Variants in LRP1B observed in about 807,000 individuals in gnomAD.
LRP1B encodes the protein LDL receptor related protein 1B.
A neutral mutation model predicts 556.6 loss-of-function variants in LRP1B; 217 were observed. The observed-to-expected ratio is 0.39, with a 90% confidence interval of 0.35 to 0.44. LRP1B has a LOEUF of 0.44. LRP1B is among the 20% of genes least tolerant of loss of function. The pLI is 1.00. For missense variants in LRP1B, 5,053 were observed against 5,620.8 expected (o/e 0.90, Z 3.23); for synonymous variants, 2,047 against 1,865.8 (o/e 1.10, Z -2.50).
chr2:140,256,204 C>T (rs1019152884), intron 86 of LRP1B, among the ~76,000 whole-genome samples: 2 of 151,828 alleles, frequency 1.3e-5, no homozygotes, highest in Non-Finnish European at 2.9e-5. Flanking sequence ...TTGGAATTAG[C>T]CAGGCCTGGG....
chr2:141,486,244 T>C (rs961341383), intron 2 of LRP1B, among the ~76,000 whole-genome samples: 2 of 152,198 alleles, frequency 1.3e-5, no homozygotes, highest in African/African-American at 4.8e-5. Flanking sequence ...ACTTTTAAAT[T>C]ATGTATAAGT....
chr2:141,888,372 G>T lies in LRP1B; in HGVS notation c.83-77971C>A, dbSNP rs550226090. Among the ~76,000 whole-genome samples, 3 of 152,238 alleles carry T rather than the reference G, an allele frequency of 2.0e-5. No homozygotes were observed. In the South Asian group the frequency reaches 6.2e-4, roughly 32 times the overall value. ...GGTAAAAGTTGATAGAAAATATTGA[G>T]GTTCTTCAGTCCGGAAAAAGCCTTA... is the stretch of plus-strand genomic sequence containing the variant. On this transcript the variant is annotated intron_variant, in intron 1 of 90. Coordinates refer to ENST00000389484, the MANE Select transcript of LRP1B (RefSeq NM_018557.3).
chr2:141,686,246 A>C (rs943895536), intron 2 of LRP1B, among the ~76,000 whole-genome samples: 8 of 152,132 alleles, frequency 5.3e-5, no homozygotes, highest in African/African-American at 1.9e-4. Flanking sequence ...ACTCATTATA[A>C]CTTACTTTCA....
chr2:140,692,857 T>TCTTAC (rs72245703), intron 41 of LRP1B, among the ~76,000 whole-genome samples: 24,777 of 151,986 alleles, frequency 0.16, 2,057 homozygotes, highest in South Asian at 0.19. Context: ...TGAAATCTGT[T>TCTTAC]CTTACCCTGA....
chr2:141,687,621 G>A (rs1188461363), intron 2 of LRP1B, among the ~76,000 whole-genome samples: 1 of 151,774 alleles, frequency 6.6e-6, no homozygotes, highest in African/African-American at 2.4e-5. Context: ...AGCATTAATG[G>A]GTTAATAGAA....
At chr2:140,889,480 G>GAGAC (rs1485009574) in intron 23 of LRP1B, among the ~76,000 whole-genome samples, 1 of 152,122 alleles carries the variant, frequency 6.6e-6, no homozygotes, top group East Asian at 1.9e-4. Flanking sequence ...ATTTTTAGTA[G>GAGAC]AGACAGGGTT....
At chr2:140,516,319 T>C (rs1689895261) in intron 50 of LRP1B, among the ~76,000 whole-genome samples, 1 of 151,996 alleles carries the variant, frequency 6.6e-6, no homozygotes, top group African/African-American at 2.4e-5. Context: ...AACAATACAA[T>C]AAAACAATAA....
rs553269726 is a variant in LRP1B at position 140,877,826 on chromosome 2, C to T, written c.4169+5991G>A. ...AAATGTACAAAATCAAACTGTCCTC[C>T]GACCACCTTTGGCACATGTCATCAG... On this transcript the variant is annotated intron_variant, in intron 25 of 90. Coordinates refer to ENST00000389484, the MANE Select transcript of LRP1B (RefSeq NM_018557.3). Among the ~76,000 whole-genome samples the T allele has an allele frequency of 6.6e-5, 10 of 152,244 alleles. No homozygotes were observed. In the South Asian group the frequency reaches 8.3e-4, roughly 13 times the overall value.
intron 1 of LRP1B, among the ~76,000 whole-genome samples, chr2:141,988,961 A>G (rs1458942458): frequency 1.3e-5 from 2 of 152,058 alleles, no homozygotes; most frequent in Non-Finnish European, 2.9e-5. Flanking sequence ...AGAGATGTGT[A>G]TAAAATAGAT....
rs371660931 is a variant in LRP1B, at chr2:141,256,237, A to T, written c.344-1596T>A. 3.3e-4 allele frequency among the ~76,000 whole-genome samples: 50 copies of T among 152,144 alleles called. 1 individual carries two copies. The East Asian group carries it at 9.5e-3, about 29-fold the overall frequency. On this transcript the variant is annotated intron_variant, in intron 3 of 90. Coordinates refer to ENST00000389484, the MANE Select transcript of LRP1B (RefSeq NM_018557.3). ...GACTTAAAAGTATGAGAGTTTGGAT[A>T]GACAAAATTAATGAGAATGTAGCCT...
chr2:141,238,695 G>A (rs1170003181), intron 5 of LRP1B, among the ~76,000 whole-genome samples: 2 of 151,888 alleles, frequency 1.3e-5, no homozygotes, highest in African/African-American at 4.8e-5. Flanking sequence ...TGAGGATGAG[G>A]GCTTATCTTT....
At chr2:141,751,458 T>TA (rs1287295065) in intron 2 of LRP1B, among the ~76,000 whole-genome samples, 2 of 152,162 alleles carry the variant, frequency 1.3e-5, no homozygotes, top group Non-Finnish European at 2.9e-5. Context: ...TGTGTTGTGA[T>TA]AAAAAATTTA....
At chr2:141,778,998 G>C (rs1012410404) in intron 2 of LRP1B, among the ~76,000 whole-genome samples, 1 of 152,110 alleles carries the variant, frequency 6.6e-6, no homozygotes, top group African/African-American at 2.4e-5. Context: ...CAGTACGCCA[G>C]GTTCTCAGGG....
chr2:141,176,965 T>C (rs1483017748), intron 7 of LRP1B, among the ~76,000 whole-genome samples: 1 of 152,146 alleles, frequency 6.6e-6, no homozygotes, highest in African/African-American at 2.4e-5. Context: ...GTCCTCCTTC[T>C]GCTTTTTCCA....
intron 2 of LRP1B, among the ~76,000 whole-genome samples, chr2:141,490,392 T>TGTGCGC (rs1553520869): frequency 0.025 from 3,726 of 151,892 alleles, 148 homozygotes; most frequent in African/African-American, 0.086. Context: ...TGTGTGTGTG[T>TGTGCGC]GTGTGTGTTT....
chr2:141,662,761 G>T (rs1299289247), intron 2 of LRP1B, among the ~76,000 whole-genome samples: 1 of 151,734 alleles, frequency 6.6e-6, no homozygotes, highest in Non-Finnish European at 1.5e-5. Context: ...GTCAATATTA[G>T]ACAGATTATT....
At chr2:140,848,088 A>G (rs1245171573) in intron 29 of LRP1B, among the ~76,000 whole-genome samples, 2 of 152,176 alleles carry the variant, frequency 1.3e-5, no homozygotes, top group Non-Finnish European at 2.9e-5. Context: ...TATTTATAAT[A>G]AAGTACTTGA....
rs953580672 is a variant in LRP1B, at chr2:141,270,454, T to G, written c.344-15813A>C. On this transcript the variant is annotated intron_variant, in intron 3 of 90. Transcript: ENST00000389484. ...GGGCATTACTCAAAAGAATTCAAAC[T>G]ATGGTCTCAAAGAGATATTTGTACA... Among the ~76,000 whole-genome samples the G allele has an allele frequency of 2.0e-5, 3 of 152,066 alleles. No homozygotes were observed. The South Asian group carries it at 6.2e-4, about 31-fold the overall frequency.
chr2:141,265,337 A>T (rs1225076891), intron 3 of LRP1B, among the ~76,000 whole-genome samples: 2 of 152,090 alleles, frequency 1.3e-5, no homozygotes, highest in Non-Finnish European at 2.9e-5. Flanking sequence ...GCAACCAGAA[A>T]GGAGAGTAAC....
Sources: allele counts gnomAD v4.1 joint callset (sites outside exome capture counted in the v4.1 genomes callset), GRCh38; gene constraint gnomAD v4.1.1; transcripts MANE v1.5; gene names NCBI Gene and HGNC (gene_info 2026-07-23, HGNC 2026-07-21).